The following EYA4 variants were observed in gnomAD, a reference collection of about 807,000 sequenced individuals.
The protein encoded by EYA4 is protein phosphatase EYA4.
EYA4 carries 31 observed loss-of-function variants against 87.9 expected under a neutral mutation model. The ratio of observed to expected loss-of-function variants is 0.35; its 90% CI spans 0.27 to 0.48. The LOEUF (loss-of-function observed/expected upper bound fraction) is 0.48, where lower values mean the gene tolerates loss of function less well. Among genes scored for constraint, EYA4 ranks in the 20% least tolerant of loss-of-function variants. The probability of loss-of-function intolerance (pLI) is 0.99; values close to 1 mark genes in which losing one functional copy is unlikely to be tolerated. For missense variants in EYA4, 678 were observed against 761.4 expected (o/e 0.89, Z 1.29); for synonymous variants, 263 against 270.6 (o/e 0.97, Z 0.28).
intron 2 of EYA4, among the ~76,000 whole-genome samples, chr6:133,289,137 G>A (rs1342120984): frequency 3.3e-5 from 5 of 152,202 alleles, no homozygotes. Flanking sequence ...TAGACTTCAA[G>A]TTGTTGCAGA....
Position 133,515,339 on chromosome 6 carries a change from A to T in EYA4, c.1520A>T (p.Lys507Met), listed in dbSNP as rs1052325082. The T allele has an allele frequency of 6.2e-7, 1 of 1,611,686 alleles. No individual in the cohort carries two copies. Among genetic ancestry groups the T allele is most frequent in the Admixed American group, 1.7e-5 (1 of 59,994 alleles). ...GTTGCAGGACTCCTTGGCCCTGCCA[A>T]GAGGGATGCCTGGCTACAGTTAAGG... The part of the protein sequence containing the change: ...NNVGGLLGPA[K>M]RDAWLQLRAE... Residue 507 changes from lysine to methionine, a missense_variant, in exon 17 of 20, where the codon AAG becomes ATG. By Grantham distance (95) the Lys-to-Met change is moderately conservative. Transcript: ENST00000355286.
chr6:133,324,433 G>A (rs1374329171), intron 2 of EYA4, among the ~76,000 whole-genome samples: 4 of 152,100 alleles, frequency 2.6e-5, no homozygotes, highest in Non-Finnish European at 5.9e-5. Context: ...TGGCCAGGAG[G>A]CAGAGAGAAG....
chr6:133,294,343 GT>G (rs200834915), intron 2 of EYA4, among the ~76,000 whole-genome samples: 13 of 139,846 alleles, frequency 9.3e-5, no homozygotes, highest in Non-Finnish European at 1.3e-4. Flanking sequence ...TGCTCTTTCT[GT>G]TTTTTTTTTG....
chr6:133,426,159 A>T (rs1461589951), intron 3 of EYA4, among the ~76,000 whole-genome samples: 4 of 142,456 alleles, frequency 2.8e-5, no homozygotes, highest in Admixed American at 2.7e-4. Flanking sequence ...CATCTATGCC[A>T]AGTGTCTACA....
intron 13 of EYA4, among the ~76,000 whole-genome samples, chr6:133,486,533 C>A (rs1167269723): frequency 1.3e-5 from 2 of 150,368 alleles, no homozygotes; most frequent in East Asian, 3.9e-4. Flanking sequence ...ATGGAGCTTA[C>A]AAACCAAACA....
chr6:133,474,194 A>G (rs1341880202), intron 11 of EYA4, among the ~76,000 whole-genome samples: 1 of 152,018 alleles, frequency 6.6e-6, no homozygotes. Flanking sequence ...TTGCTAGACT[A>G]CAGCTACCAA....
At chr6:133,342,592 T>TA (rs1192843346) in intron 2 of EYA4, among the ~76,000 whole-genome samples, 7 of 97,800 alleles carry the variant, frequency 7.2e-5, no homozygotes, top group African/African-American at 2.5e-4. Context: ...TATATATATA[T>TA]ATATATATAT....
chr6:133,401,492 A>T (rs1307032342), intron 3 of EYA4, among the ~76,000 whole-genome samples: 1 of 152,192 alleles, frequency 6.6e-6, no homozygotes, highest in African/African-American at 2.4e-5. Context: ...TCAAATTATC[A>T]CACGTACCCT....
chr6:133,301,137 G>A (rs1250021153), intron 2 of EYA4, among the ~76,000 whole-genome samples: 1 of 141,584 alleles, frequency 7.1e-6, no homozygotes, highest in East Asian at 2.0e-4. Flanking sequence ...TTTACGTTCT[G>A]TATGAGGGTT....
chr6:133,431,290 T>G (rs1225760596), intron 3 of EYA4, among the ~76,000 whole-genome samples: 1 of 152,210 alleles, frequency 6.6e-6, no homozygotes, highest in African/African-American at 2.4e-5. Context: ...AGCAGAGGAC[T>G]GATTGCATTG....
intron 2 of EYA4, among the ~76,000 whole-genome samples, chr6:133,338,836 T>C (rs1167980233): frequency 8.5e-6 from 1 of 117,926 alleles, no homozygotes. Flanking sequence ...CAGAAAATTA[T>C]CACCAATTGC....
intron 2 of EYA4, among the ~76,000 whole-genome samples, chr6:133,291,836 T>C (rs557133549): frequency 6.6e-6 from 1 of 152,330 alleles, no homozygotes; most frequent in African/African-American, 2.4e-5. Context: ...CATTGATTCA[T>C]GTTTGGGGTG....
Position 133,521,271 on chromosome 6 carries a change from A to G in EYA4, c.1617-1785A>G, listed in dbSNP as rs1243129824. ...ATGAACTCAAACAAATTTACAAGAAAAAAACAAACAACCCCATCAAAAAGT... is the reference window on the plus strand; with the variant it reads ...ATGAACTCAAACAAATTTACAAGAAGAAAACAAACAACCCCATCAAAAAGT... On this transcript the variant is annotated intron_variant, in intron 17 of 19. Transcript: ENST00000355286. Among the ~76,000 whole-genome samples, 5 of 149,756 alleles carry G rather than the reference A, an allele frequency of 3.3e-5. No homozygotes were observed. The East Asian group carries it at 9.8e-4, about 29-fold the overall frequency.
rs573200869 is a variant in EYA4 at position 133,490,311 on chromosome 6, C to T, written c.1191+7196C>T. On this transcript the variant is annotated intron_variant, in intron 13 of 19. Coordinates refer to ENST00000355286, the MANE Select transcript of EYA4 (RefSeq NM_004100.5). ...ACAAAATGGCAGGAATAAGTCCTTACTTATCAGTAATAACACTGAATGTAA... is the reference window on the plus strand; with the variant it reads ...ACAAAATGGCAGGAATAAGTCCTTATTTATCAGTAATAACACTGAATGTAA... 3.7e-3 allele frequency among the ~76,000 whole-genome samples: 565 copies of T among 151,832 alleles called. 1 individual carries two copies. Among genetic ancestry groups the T allele is most frequent in the Non-Finnish European group, 6.3e-3 (428 of 67,918 alleles).
At chr6:133,297,115 A>G (rs760617121) in intron 2 of EYA4, among the ~76,000 whole-genome samples, 6 of 152,154 alleles carry the variant, frequency 3.9e-5, no homozygotes, top group African/African-American at 7.2e-5. Flanking sequence ...TCTTTATCAA[A>G]TACTCTTTGT....
At chr6:133,380,785 GTA>G (rs943635828) in intron 2 of EYA4, among the ~76,000 whole-genome samples, 3 of 151,574 alleles carry the variant, frequency 2.0e-5, no homozygotes, top group African/African-American at 7.3e-5. Flanking sequence ...TTTTAAAAAA[GTA>G]TTTCTCCCTC....
chr6:133,328,424 T>G (rs1781670961), intron 2 of EYA4, among the ~76,000 whole-genome samples: 2 of 152,094 alleles, frequency 1.3e-5, no homozygotes, highest in Admixed American at 6.5e-5. Flanking sequence ...TAGGATGGCT[T>G]TAGGGATTTG....
In EYA4 at chr6:133,460,915, A is replaced by G. The variant is rs578088575; in HGVS notation, c.371-199A>G. 2.6e-5 allele frequency among the ~76,000 whole-genome samples: 4 copies of G among 152,304 alleles called. No homozygotes were observed. In the South Asian group the frequency reaches 8.3e-4, roughly 32 times the overall value. On this transcript the variant is annotated intron_variant, in intron 6 of 19. Coordinates refer to ENST00000355286, the MANE Select transcript of EYA4 (RefSeq NM_004100.5). ...ACAGAGGGAATGATTTGTGAGACAAATGTTTATTTCATGCTTTTTGCACAA... is the reference window on the plus strand; with the variant it reads ...ACAGAGGGAATGATTTGTGAGACAAGTGTTTATTTCATGCTTTTTGCACAA...
chr6:133,442,826 C>T (rs1583291734), intron 3 of EYA4, among the ~76,000 whole-genome samples: 1 of 151,946 alleles, frequency 6.6e-6, no homozygotes, highest in East Asian at 1.9e-4. Flanking sequence ...AGGAAAAATA[C>T]TTCTTTTCTT....
Sources: gnomAD v4.1 joint callset for allele counts (sites outside exome capture counted in the v4.1 genomes callset) on GRCh38, gnomAD v4.1.1 for gene constraint, MANE v1.5 for transcripts, NCBI Gene and HGNC (gene_info 2026-07-23, HGNC 2026-07-21) for gene names.